Variants in DCHS2 observed in about 807,000 individuals in gnomAD.
The protein encoded by DCHS2 is dachsous cadherin-related 2.
Under a neutral mutation model 182.4 loss-of-function variants are expected in DCHS2, and 142 were observed. The observed-to-expected ratio is 0.78, with a 90% CI of 0.68 to 0.89. The LOEUF (loss-of-function observed/expected upper bound fraction) is 0.89, where lower values mean the gene tolerates loss of function less well. Among genes scored for constraint, DCHS2 ranks in the 40% least tolerant of loss-of-function variants. The pLI is 0.00. For missense variants in DCHS2, 4,319 were observed against 4,198.6 expected, an observed-to-expected ratio of 1.03 and a Z score of -0.79; for synonymous variants, 1,740 against 1,663.3, an observed-to-expected ratio of 1.05 and a Z score of -1.12.
intron 16 of DCHS2, among the ~76,000 whole-genome samples, chr4:154,253,790 T>A (rs1390054118): frequency 3.3e-5 from 5 of 152,214 alleles, no homozygotes; most frequent in Non-Finnish European, 7.3e-5. Context: ...AGAGGGTAAT[T>A]AATCCAATAT....
At chr4:154,252,190 T>C (rs1324228606) in intron 16 of DCHS2, among the ~76,000 whole-genome samples, 1 of 152,132 alleles carries the variant, frequency 6.6e-6, no homozygotes, top group African/African-American at 2.4e-5. Context: ...TTTTTGTGGG[T>C]ACATAGTAGG....
rs555433655 is a variant in DCHS2, at chr4:154,362,618, C to T, written c.2476+3592G>A. On this transcript the variant is annotated intron_variant, in intron 3 of 19. Coordinates refer to ENST00000357232, the MANE Select transcript of DCHS2 (RefSeq NM_001358235.2). Reference sequence around the variant, plus strand: ...CCTTGAATAACATGGGTTTGAATTGCGTGAGTCCACTTATACACAGATAGT... The same window carrying T: ...CCTTGAATAACATGGGTTTGAATTGTGTGAGTCCACTTATACACAGATAGT... 3.9e-5 allele frequency among the ~76,000 whole-genome samples: 6 copies of T among 152,114 alleles called. No homozygotes were observed. The South Asian group carries it at 6.2e-4, about 16-fold the overall frequency.
At chr4:154,370,743 G>C (rs1259676700) in intron 2 of DCHS2, among the ~76,000 whole-genome samples, 1 of 152,146 alleles carries the variant, frequency 6.6e-6, no homozygotes, top group South Asian at 2.1e-4. Context: ...TCTCTCTCAA[G>C]CAGACCTGTT....
chr4:154,489,829 C>CAGT lies in DCHS2; in HGVS notation c.1524_1526dup (p.Leu509dup). 6.4e-7 allele frequency: 1 copy of CAGT among 1,551,370 alleles called. No homozygotes were observed. Among genetic ancestry groups the CAGT allele is most frequent in the African/African-American group, 1.4e-5 (1 of 73,162 alleles). ...GCGGGGACCCCGCGTCCGTGGCCACCAGTAGTAACTCATACAGATCGCGGC... is the reference window on the plus strand; with the variant it reads ...GCGGGGACCCCGCGTCCGTGGCCACCAGTAGTAGTAACTCATACAGATCGCGGC... On this transcript the variant is annotated inframe_insertion, in exon 1 of 20. Transcript: ENST00000357232.
chr4:154,285,161 CCTAGTCCTGACA>C (rs1191965544), intron 13 of DCHS2, among the ~76,000 whole-genome samples: 4 of 152,062 alleles, frequency 2.6e-5, no homozygotes, highest in African/African-American at 9.7e-5. Flanking sequence ...AAGGCAAATA[CCTAGTCCTGACA>C]AGATTCACCA....
chr4:154,350,453 C>T (rs914278107), intron 3 of DCHS2, among the ~76,000 whole-genome samples: 3 of 152,092 alleles, frequency 2.0e-5, no homozygotes, highest in African/African-American at 7.2e-5. Flanking sequence ...TACATCTATG[C>T]TTTGCCAACT....
intron 8 of DCHS2, 139 bp downstream of exon 8, chr4:154,322,192 G>A (rs1388901846): frequency 2.4e-6 from 3 of 1,239,006 alleles, no homozygotes; most frequent in Non-Finnish European, 2.2e-6. Context: ...TATGTGCAAT[G>A]CTCTCAAAAT....
rs753329515 is a variant in DCHS2 at position 154,377,319 on chromosome 4, AAC to A, written c.2176_2177del (p.Val726PhefsTer14). The A allele has an allele frequency of 8.1e-6, 13 of 1,613,606 alleles. No homozygotes were observed. The East Asian group carries it at 2.7e-4, about 33-fold the overall frequency. The part of the protein sequence containing the change: ...RIDPHDGQIC[V>X]SQDIDRERDP... ...CCCTTTCCCTGTCGATATCTTGAGA[AAC>A]ACAGATTTGCCCATCATGAGGGTCG... On this transcript the variant is annotated frameshift_variant, in exon 2 of 20. Transcript: ENST00000357232. LOFTEE classifies it high-confidence loss of function.
intron 16 of DCHS2, among the ~76,000 whole-genome samples, chr4:154,247,959 T>C (rs916486385): frequency 6.6e-6 from 1 of 152,140 alleles, no homozygotes. Flanking sequence ...AGCCTTGCAA[T>C]AGGTTTATTA....
At chr4:154,369,062 T>C (rs1730523347) in intron 2 of DCHS2, among the ~76,000 whole-genome samples, 1 of 152,214 alleles carries the variant, frequency 6.6e-6, no homozygotes, top group African/African-American at 2.4e-5. Flanking sequence ...ATTACAAATA[T>C]CAGAAAACTA....
At chr4:154,295,312 A>C (rs1335764836) in intron 13 of DCHS2, among the ~76,000 whole-genome samples, 1 of 152,246 alleles carries the variant, frequency 6.6e-6, no homozygotes, top group African/African-American at 2.4e-5. Context: ...ATACCATTTT[A>C]GATGCCTAGT....
intron 1 of DCHS2, chr4:154,486,299 G>A: frequency 1.1e-6 from 1 of 886,368 alleles, no homozygotes; most frequent in Non-Finnish European, 1.5e-6. Flanking sequence ...GGAGAGGGGA[G>A]GGTGGCCAGC....
rs1736436760 is a variant in DCHS2 at position 154,329,632 on chromosome 4, C to CCG, written c.3807_3808dup (p.Gly1270AlafsTer37). The CCG allele has an allele frequency of 1.2e-6, 2 of 1,612,658 alleles. No homozygotes were observed. The highest frequency in any genetic ancestry group is 1.7e-6 in the Non-Finnish European group (2 of 1,179,848). On this transcript the variant is annotated frameshift_variant, in exon 6 of 20. Coordinates refer to ENST00000357232, the MANE Select transcript of DCHS2 (RefSeq NM_001358235.2). LOFTEE classifies it high-confidence loss of function. ...CATGGTGGCGTTTCGTGGTGGGGAG[C>CCG]CGCGGTCTGTCACTAGCACAGTCAT...
chr4:154,464,411 A>G (rs1233317752), intron 1 of DCHS2, among the ~76,000 whole-genome samples: 1 of 152,210 alleles, frequency 6.6e-6, no homozygotes, highest in Non-Finnish European at 1.5e-5. Flanking sequence ...ACCAGAGATC[A>G]TTCTAACTAA....
chr4:154,401,874 G>C (rs528887982), intron 1 of DCHS2, among the ~76,000 whole-genome samples: 55 of 152,222 alleles, frequency 3.6e-4, no homozygotes, highest in African/African-American at 1.3e-3. Flanking sequence ...CGTGCCTATA[G>C]TCCCAGCTAC....
At chr4:154,333,849 C>A in intron 4 of DCHS2, 1 of 223,852 alleles carries the variant, frequency 4.5e-6, no homozygotes, top group East Asian at 9.6e-5. Flanking sequence ...TGCACACTGA[C>A]AAAATTTTCT....
intron 6 of DCHS2, among the ~76,000 whole-genome samples, chr4:154,328,942 A>T (rs1285575840): frequency 3.3e-5 from 5 of 152,214 alleles, no homozygotes; most frequent in Non-Finnish European, 7.3e-5. Context: ...AAAAATTATT[A>T]GTAGGTCCAA....
Position 154,392,935 on chromosome 4 carries a change from T to G in DCHS2, c.2053-15491A>C, listed in dbSNP as rs1361174901. On this transcript the variant is annotated intron_variant, in intron 1 of 19. Coordinates refer to ENST00000357232, the MANE Select transcript of DCHS2 (RefSeq NM_001358235.2). ...TTCATTGATGCAGCTTTAATACATG[T>G]GCATAATCTTGCATAATCCACTTCC... Among the ~76,000 whole-genome samples the G allele has an allele frequency of 2.6e-5, 4 of 152,206 alleles. No homozygotes were observed. The East Asian group carries it at 7.7e-4, about 29-fold the overall frequency.
chr4:154,322,526 G>C (rs1736105645), intron 7 of DCHS2, 38 bp from the exon 8 acceptor site: 1 of 1,557,060 alleles, frequency 6.4e-7, no homozygotes, highest in Admixed American at 2.1e-5. Flanking sequence ...AATGTTAATT[G>C]ACAATGCAGA....
Sources: allele counts gnomAD v4.1 joint callset (sites outside exome capture counted in the v4.1 genomes callset), GRCh38; gene constraint gnomAD v4.1.1; transcripts MANE v1.5; gene names NCBI Gene and HGNC (gene_info 2026-07-23, HGNC 2026-07-21).